The following TNIP3 variants were observed in gnomAD, a reference collection of about 807,000 sequenced individuals.
The protein encoded by TNIP3 is TNFAIP3 interacting protein 3.
A neutral mutation model predicts 54.1 loss-of-function variants in TNIP3; 34 were observed. The ratio of observed to expected loss-of-function variants is 0.63; its 90% confidence interval spans 0.48 to 0.84. The LOEUF (loss-of-function observed/expected upper bound fraction) is 0.84, where lower values mean the gene tolerates loss of function less well. Among genes scored for constraint, TNIP3 ranks in the 40% least tolerant of loss-of-function variants. The pLI, the probability that TNIP3 is intolerant of heterozygous loss-of-function variation, is 0.00. For synonymous variants in TNIP3, 134 were observed against 136.8 expected, an observed-to-expected ratio of 0.98 and a Z score of 0.14; for missense variants, 366 against 387.6, an observed-to-expected ratio of 0.94 and a Z score of 0.47.
chr4:121,215,365 A>G (rs1435164329), intron 2 of TNIP3, among the ~76,000 whole-genome samples: 1 of 152,242 alleles, frequency 6.6e-6, no homozygotes, highest in East Asian at 1.9e-4. Flanking sequence ...CTTGAAAGGT[A>G]TCACAAAATA....
At chr4:121,178,231 C>T (rs930848178) in intron 3 of TNIP3, among the ~76,000 whole-genome samples, 2 of 152,180 alleles carry the variant, frequency 1.3e-5, no homozygotes, top group Non-Finnish European at 2.9e-5. Flanking sequence ...AATTGTTTAG[C>T]TGCATTGAAC....
At chr4:121,196,330 T>C (rs1339358748) in intron 2 of TNIP3, among the ~76,000 whole-genome samples, 2 of 152,330 alleles carry the variant, frequency 1.3e-5, no homozygotes, top group East Asian at 3.9e-4. Flanking sequence ...TTAAGACAGA[T>C]CAACTAGTGA....
chr4:121,204,892 C>T (rs183069754), intron 2 of TNIP3, among the ~76,000 whole-genome samples: 147 of 152,250 alleles, frequency 9.7e-4, no homozygotes, highest in African/African-American at 3.4e-3. Context: ...ATTTGCCAAC[C>T]AAAGAATTCC....
chr4:121,203,600 CA>C (rs1726020550), intron 2 of TNIP3, among the ~76,000 whole-genome samples: 1 of 151,992 alleles, frequency 6.6e-6, no homozygotes, highest in South Asian at 2.1e-4. Context: ...ACCTGTTCCC[CA>C]AAAACCTATT....
At chr4:121,156,784 T>C (rs1050589102) in intron 4 of TNIP3, among the ~76,000 whole-genome samples, 11 of 152,144 alleles carry the variant, frequency 7.2e-5, no homozygotes, top group African/African-American at 2.7e-4. Flanking sequence ...TCTCCTAGGC[T>C]GAAATGCCCT....
intron 4 of TNIP3, among the ~76,000 whole-genome samples, chr4:121,156,893 G>T (rs1730131696): frequency 1.3e-5 from 2 of 152,178 alleles, no homozygotes; most frequent in African/African-American, 4.8e-5. Flanking sequence ...AGCCGGCAGA[G>T]AATCTCCTTC....
At chr4:121,216,445 A>T (rs1726796162) in exon 2 of TNIP3, 2 of 1,535,758 alleles carry the variant, frequency 1.3e-6, no homozygotes, top group Admixed American at 2.0e-5. Flanking sequence ...ATTGGTGAAC[A>T]TTACCAGTTT....
chr4:121,185,146 A>T (rs1192233599), intron 2 of TNIP3, among the ~76,000 whole-genome samples: 1 of 152,208 alleles, frequency 6.6e-6, no homozygotes, highest in Non-Finnish European at 1.5e-5. Context: ...ACGATCTACA[A>T]GTCCTCAAAT....
Position 121,132,368 on chromosome 4 carries a change from G to GCATCA in TNIP3, c.*258_*262dup. 2 of 451,252 alleles carry GCATCA rather than the reference G, an allele frequency of 4.4e-6. No homozygotes were observed. Among genetic ancestry groups the GCATCA allele is most frequent in the Non-Finnish European group, 7.9e-6 (2 of 253,228 alleles). 28.0% of individuals were successfully genotyped at this position (451,252 alleles called of 1,614,324 possible). On this transcript the variant is annotated 3_prime_UTR_variant, in exon 11 of 11. Coordinates refer to ENST00000057513, the MANE Select transcript of TNIP3 (RefSeq NM_024873.6). ...GCTGAAGAGATTTTCAGGGAGTCGT[G>GCATCA]CATCATCCATCTGCCAAGTCTCATT...
rs115464536 is a variant in TNIP3, at chr4:121,193,666, T to C, written c.69-10870A>G. Among the ~76,000 whole-genome samples, 638 of 152,284 alleles carry C rather than the reference T, an allele frequency of 4.2e-3. 5 individuals carry two copies. Among genetic ancestry groups the C allele is most frequent in the African/African-American group, 0.015 (613 of 41,572 alleles). On this transcript the variant is annotated intron_variant, in intron 2 of 12. Transcript: ENST00000507879. ...AATTTCATACTCCTACCACCAAGTA[T>C]GTAATGAATACTAGGGGAAATGTAA...
upstream of TNIP3, among the ~76,000 whole-genome samples, chr4:121,166,354 C>T (rs571741603): frequency 4.6e-5 from 7 of 152,312 alleles, no homozygotes; most frequent in South Asian, 2.1e-4. Flanking sequence ...TTTCAATATG[C>T]CATCCCTAAG....
chr4:121,206,194 G>A (rs1290389271), intron 2 of TNIP3, among the ~76,000 whole-genome samples: 2 of 152,088 alleles, frequency 1.3e-5, no homozygotes, highest in Admixed American at 1.3e-4. Context: ...CAAAAGAAGA[G>A]CAAATTTAGA....
intron 2 of TNIP3, among the ~76,000 whole-genome samples, chr4:121,212,487 A>G (rs948117354): frequency 6.6e-6 from 1 of 152,256 alleles, no homozygotes; most frequent in Non-Finnish European, 1.5e-5. Context: ...ATTAGTTTGA[A>G]GACATGTAAT....
intron 5 of TNIP3, among the ~76,000 whole-genome samples, chr4:121,152,172 A>C (rs1729801328): frequency 6.6e-6 from 1 of 152,226 alleles, no homozygotes. Context: ...TTCAGCTTGT[A>C]CATAGAGGGT....
At chr4:121,172,411 T>C (rs2148822005) in intron 3 of TNIP3, among the ~76,000 whole-genome samples, 1 of 152,292 alleles carries the variant, frequency 6.6e-6, no homozygotes, top group Non-Finnish European at 1.5e-5. Context: ...CTGGAAGCTT[T>C]AGTGATTGCC....
At chr4:121,177,043 G>A (rs935252791) in intron 3 of TNIP3, among the ~76,000 whole-genome samples, 1 of 152,108 alleles carries the variant, frequency 6.6e-6, no homozygotes, top group Non-Finnish European at 1.5e-5. Context: ...TAAAATTTGG[G>A]CATTTTCCCT....
At chr4:121,170,786 A>G (rs1368152271) in intron 3 of TNIP3, among the ~76,000 whole-genome samples, 1 of 152,114 alleles carries the variant, frequency 6.6e-6, no homozygotes, top group Non-Finnish European at 1.5e-5. Flanking sequence ...CTTTTGTTTT[A>G]TGTAGCTAAT....
chr4:121,204,821 AGCTATGT>A (rs1281088378), intron 2 of TNIP3, among the ~76,000 whole-genome samples: 5 of 152,134 alleles, frequency 3.3e-5, no homozygotes, highest in Non-Finnish European at 7.4e-5. Flanking sequence ...CATTTCTATC[AGCTATGT>A]GTAAGAATTC....
intron 2 of TNIP3, among the ~76,000 whole-genome samples, chr4:121,199,162 C>T (rs1725750784): frequency 6.6e-6 from 1 of 152,012 alleles, no homozygotes; most frequent in South Asian, 2.1e-4. Flanking sequence ...AAACAAAAAA[C>T]AAAGCAAAAC....
Sources: allele counts gnomAD v4.1 joint callset (sites outside exome capture counted in the v4.1 genomes callset), GRCh38; gene constraint gnomAD v4.1.1; transcripts MANE v1.5; gene names NCBI Gene and HGNC (gene_info 2026-07-23, HGNC 2026-07-21).